Variants in CRMP1 observed in about 807,000 individuals in gnomAD.
The protein encoded by CRMP1 is collapsin response mediator protein 1, also known as dihydropyrimidinase-related protein 1.
A neutral mutation model predicts 68.3 loss-of-function variants in CRMP1; 19 were observed. That is an observed-to-expected ratio of 0.28 (90% CI 0.19 to 0.41). The LOEUF is 0.41. Ranked by LOEUF, CRMP1 falls within the 10% of genes least tolerant of loss-of-function variation. CRMP1 has a pLI of 1.00. For missense variants in CRMP1, 791 were observed against 967.4 expected (o/e 0.82, Z 2.42); for synonymous variants, 439 against 399.6 (o/e 1.10, Z -1.18).
Position 5,892,862 on chromosome 4 carries a change from G to A in CRMP1, c.108C>T (p.Phe36=). The A allele has an allele frequency of 7.1e-7, 1 of 1,416,788 alleles. No individual in the cohort carries two copies. The highest frequency in any genetic ancestry group is 9.3e-7 in the Non-Finnish European group (1 of 1,074,538). The allele number at this position is 1,416,788 out of a possible 1,614,324, so 87.8% of individuals were successfully genotyped here. A position where few individuals can be genotyped will look rare whatever the true frequency, so the allele number is the denominator to read the frequency against. The change falls in exon 1 of 14, where the codon TTC becomes TTT. Residue 36 remains phenylalanine (F), a synonymous_variant. Transcript: ENST00000324989. This position sits in a 1 kb window ranked among gnomAD's most constrained non-coding sequence, Gnocchi z 8.6. ...QTPRQKYGGM[F]AAVEGAYENK... ...TCTCGTAGGCGCCCTCCACCGCGGC[G>A]AACATGCCGCCGTACTTCTGGCGCG...
intron 2 of CRMP1, among the ~76,000 whole-genome samples, chr4:5,864,305 T>A (rs1346899465): frequency 6.6e-6 from 1 of 152,118 alleles, no homozygotes; most frequent in Non-Finnish European, 1.5e-5. Context: ...CATTTTACCT[T>A]TCAGGCTTCA....
In CRMP1 at chr4:5,842,678, T is replaced by TCA. The variant is rs199626986; in HGVS notation, c.1032+413_1032+414dup. 1.3e-5 allele frequency among the ~76,000 whole-genome samples: 2 copies of TCA among 150,066 alleles called. No homozygotes were observed. Among genetic ancestry groups the TCA allele is most frequent in the Non-Finnish European group, 3.0e-5 (2 of 67,246 alleles). On this transcript the variant is annotated intron_variant, in intron 7 of 13. Transcript: ENST00000324989. This position sits in a 1 kb window ranked among gnomAD's most constrained non-coding sequence, Gnocchi z 4.5. Reference sequence around the variant, plus strand: ...CACACACACACTAACATACACACACTCACACACACACATACACACACAGCC... The same window carrying TCA: ...CACACACACACTAACATACACACACTCACACACACACACATACACACACAGCC...
rs35389240 is a variant in CRMP1 at position 5,890,424 on chromosome 4, CG to C, written c.381+2164del. 1.1e-4 allele frequency among the ~76,000 whole-genome samples: 16 copies of C among 151,472 alleles called. No individual in the cohort carries two copies. Among genetic ancestry groups the C allele is most frequent in the South Asian group, 4.2e-4 (2 of 4,784 alleles). The stretch of plus-strand genomic sequence containing the variant: ...GCAGCCCAGGGAGAAGCCTGGTGGG[CG>C]GGGGGGGAAGGGCCGGGGCACCCGT... On this transcript the variant is annotated intron_variant, in intron 1 of 13. Transcript: ENST00000324989. The surrounding 1 kb of genome is among the most constrained non-coding windows in gnomAD (Gnocchi z 5.5).
At position 5,861,257 on chromosome 4, in the gene CRMP1, G is replaced by A. The variant is rs760287198; in HGVS notation, c.471-47C>T. On this transcript the variant is annotated intron_variant, in intron 2 of 13. Coordinates refer to ENST00000324989, the MANE Select transcript of CRMP1 (RefSeq NM_001014809.3). This position sits in a 1 kb window ranked among gnomAD's most constrained non-coding sequence, Gnocchi z 6.0. ...AGCCTTGGTTCTTAAAGGAAAAGTA[G>A]AATGGGCAGTCAACCCGCAGCTTCA... The A allele has an allele frequency of 1.9e-6, 3 of 1,575,730 alleles. No individual in the cohort carries two copies. The Admixed American group carries it at 5.1e-5, about 27-fold the overall frequency.
Position 5,860,502 on chromosome 4 carries a change from C to T in CRMP1, c.655+524G>A, listed in dbSNP as rs1489262119. Among the ~76,000 whole-genome samples the T allele has an allele frequency of 6.6e-6, 1 of 152,202 alleles. No individual in the cohort carries two copies. Among genetic ancestry groups the T allele is most frequent in the East Asian group, 1.9e-4 (1 of 5,190 alleles). On this transcript the variant is annotated intron_variant, in intron 3 of 13. Coordinates refer to ENST00000324989, the MANE Select transcript of CRMP1 (RefSeq NM_001014809.3). This position sits in a 1 kb window ranked among gnomAD's most constrained non-coding sequence, Gnocchi z 4.2. ...TATTACTGCAGCAATACTAATACAA[C>T]CACTTCCCAGCTGTGTCTCCTTGGG... is the stretch of plus-strand genomic sequence containing the variant.
rs1320248038 is a variant in CRMP1 at position 5,858,988 on chromosome 4, T to C, written c.655+2038A>G. Among the ~76,000 whole-genome samples the C allele has an allele frequency of 6.6e-6, 1 of 152,232 alleles. No individual in the cohort carries two copies. The highest frequency in any genetic ancestry group is 2.1e-4 in the South Asian group (1 of 4,832). On this transcript the variant is annotated intron_variant, in intron 3 of 13. Transcript: ENST00000324989. The surrounding 1 kb of genome is among the most constrained non-coding windows in gnomAD (Gnocchi z 5.5). ...CTCATCCTTCAGATCCCTGTACGAA[T>C]GTCACTTCTTCAGAGAACACTTCCC...
In CRMP1 at chr4:5,879,534, C is replaced by T. The variant is rs1715087286; in HGVS notation, c.382-12778G>A. On this transcript the variant is annotated intron_variant, in intron 1 of 13. Coordinates refer to ENST00000324989, the MANE Select transcript of CRMP1 (RefSeq NM_001014809.3). This position sits in a 1 kb window ranked among gnomAD's most constrained non-coding sequence, Gnocchi z 4.2. Reference sequence around the variant, plus strand: ...GGTGATCTTTGGCAAGATACTTAATCTCTGTTGGCTTCAGTTTCCTCATCT... The same window carrying T: ...GGTGATCTTTGGCAAGATACTTAATTTCTGTTGGCTTCAGTTTCCTCATCT... 6.6e-6 allele frequency among the ~76,000 whole-genome samples: 1 copy of T among 152,226 alleles called. No individual in the cohort carries two copies. Among genetic ancestry groups the T allele is most frequent in the Non-Finnish European group, 1.5e-5 (1 of 68,044 alleles).
intron 12 of CRMP1, among the ~76,000 whole-genome samples, chr4:5,827,593 TCAC>T (rs1291280053): frequency 4.0e-5 from 6 of 151,858 alleles, no homozygotes; most frequent in Admixed American, 6.6e-5. Flanking sequence ...CACACAGAGC[TCAC>T]CACATGCTCG....
Position 5,861,733 on chromosome 4 carries a change from G to A in CRMP1, c.471-523C>T, listed in dbSNP as rs1438841905. 6.6e-6 allele frequency among the ~76,000 whole-genome samples: 1 copy of A among 152,136 alleles called. No homozygotes were observed. The highest frequency in any genetic ancestry group is 2.4e-5 in the African/African-American group (1 of 41,416). On this transcript the variant is annotated intron_variant, in intron 2 of 13. Transcript: ENST00000324989. The surrounding 1 kb of genome is among the most constrained non-coding windows in gnomAD (Gnocchi z 6.0). Reference sequence around the variant, plus strand: ...TTATTTGCTGGCACCAGAGTCAGGAGGTCCCTCAAGGCGCTGGGGGAAGAG... The same window carrying A: ...TTATTTGCTGGCACCAGAGTCAGGAAGTCCCTCAAGGCGCTGGGGGAAGAG...
chr4:5,845,438 C>T (rs562202763), intron 6 of CRMP1, among the ~76,000 whole-genome samples: 8 of 152,232 alleles, frequency 5.3e-5, no homozygotes, highest in Non-Finnish European at 1.0e-4. Flanking sequence ...CAGCAGCCAG[C>T]AAAGAACAGA....
rs113300814 is a variant in CRMP1, at chr4:5,850,760, G to A, written c.882+648C>T. 7.1e-3 allele frequency among the ~76,000 whole-genome samples: 1,076 copies of A among 152,252 alleles called. 16 individuals carry two copies. Among genetic ancestry groups the A allele is most frequent in the African/African-American group, 0.024 (1,006 of 41,544 alleles). On this transcript the variant is annotated intron_variant, in intron 5 of 13. Coordinates refer to ENST00000324989, the MANE Select transcript of CRMP1 (RefSeq NM_001014809.3). This position sits in a 1 kb window ranked among gnomAD's most constrained non-coding sequence, Gnocchi z 4.4. ...ATTTTCTCCACCACACTAACAAGCA[G>A]AGCAAGGGAAACTGACAATGAAACA...
At chr4:5,827,302 C>G (rs1249188534) in intron 12 of CRMP1, among the ~76,000 whole-genome samples, 1 of 152,194 alleles carries the variant, frequency 6.6e-6, no homozygotes, top group Non-Finnish European at 1.5e-5. Context: ...GTCCCCTTGT[C>G]CTCATATGGC....
rs1375789447 is a variant in CRMP1 at position 5,861,239 on chromosome 4, G to A, written c.471-29C>T. On this transcript the variant is annotated intron_variant, in intron 2 of 13. Coordinates refer to ENST00000324989, the MANE Select transcript of CRMP1 (RefSeq NM_001014809.3). This position sits in a 1 kb window ranked among gnomAD's most constrained non-coding sequence, Gnocchi z 6.0. ...GAGGCAAACAACAGAGACAGCCTTG[G>A]TTCTTAAAGGAAAAGTAGAATGGGC... 1.9e-6 allele frequency: 3 copies of A among 1,601,448 alleles called. No homozygotes were observed. Among genetic ancestry groups the A allele is most frequent in the African/African-American group, 2.7e-5 (2 of 74,598 alleles).
chr4:5,836,141 G>A, intron 10 of CRMP1, 56 bp from the exon 11 acceptor site: 1 of 1,362,462 alleles, frequency 7.3e-7, no homozygotes, highest in Non-Finnish European at 9.6e-7. Flanking sequence ...CAGGAGGAGG[G>A]GCAGCTGGGC....
Position 5,825,957 on chromosome 4 carries a change from T to C in CRMP1, c.1804-298A>G. ...ATGCAGTCATGCACACATATATGCA[T>C]GCACATGCAGTAACAAAACAGGCCT... is the stretch of plus-strand genomic sequence containing the variant. On this transcript the variant is annotated intron_variant, in intron 12 of 13. Coordinates refer to ENST00000324989, the MANE Select transcript of CRMP1 (RefSeq NM_001014809.3). This position sits in a 1 kb window ranked among gnomAD's most constrained non-coding sequence, Gnocchi z 4.4. The C allele has an allele frequency of 2.3e-6, 1 of 440,550 alleles. No individual in the cohort carries two copies. 27.3% of individuals were successfully genotyped at this position (440,550 alleles called of 1,614,324 possible).
intron 13 of CRMP1, among the ~76,000 whole-genome samples, chr4:5,822,451 C>T (rs951804916): frequency 6.6e-6 from 1 of 150,462 alleles, no homozygotes; most frequent in African/African-American, 2.4e-5. Context: ...GTGAACTCCG[C>T]AAGCTGGATT....
Position 5,866,730 on chromosome 4 carries a change from T to C in CRMP1, c.408A>G (p.Gly136=). Residue 136 remains glycine (G), a synonymous_variant, in exon 2 of 14, where the codon GGA becomes GGG. Coordinates refer to ENST00000324989, the MANE Select transcript of CRMP1 (RefSeq NM_001014809.3). This position sits in a 1 kb window ranked among gnomAD's most constrained non-coding sequence, Gnocchi z 5.9. ...GQSDRLLIKG[G]RIINDDQSLY... ...GGGATTGGTCATCGTTGATGATCCG[T>C]CCACCTTTGATGAGGAGTCGGTCAC... 3 of 1,612,734 alleles carry C rather than the reference T, an allele frequency of 1.9e-6. No homozygotes were observed. Among genetic ancestry groups the C allele is most frequent in the Non-Finnish European group, 2.5e-6 (3 of 1,179,618 alleles).
chr4:5,821,832 G>C lies in CRMP1; in HGVS notation c.1989C>G (p.Asn663Lys), dbSNP rs777646783. Reference protein sequence around the residue: ...FSLSGAQIDDNNPRRTGHRIV... With the variant: ...FSLSGAQIDDKNPRRTGHRIV... ...TGCGGTGGCCGGTGCGCCTGGGATT[G>C]TTGTCATCTATCTGGGCACCTGAAA... Residue 663 changes from asparagine to lysine, a missense_variant, in exon 14 of 14, where the codon AAC becomes AAG. Physicochemically the swap from Asn to Lys is moderately conservative, Grantham distance 94 (BLOSUM62 0). Coordinates refer to ENST00000324989, the MANE Select transcript of CRMP1 (RefSeq NM_001014809.3). This position sits in a 1 kb window ranked among gnomAD's most constrained non-coding sequence, Gnocchi z 4.4. 3 of 1,608,834 alleles carry C rather than the reference G, an allele frequency of 1.9e-6. No individual in the cohort carries two copies. The highest frequency in any genetic ancestry group is 2.5e-6 in the Non-Finnish European group (3 of 1,178,538).
chr4:5,836,699 T>G (rs1258734010), intron 10 of CRMP1, 66 bp downstream of exon 10: 1 of 1,611,506 alleles, frequency 6.2e-7, no homozygotes. Flanking sequence ...GCGTGCATAA[T>G]GCATCGGCTT....
Sources: gnomAD v4.1 joint callset for allele counts (sites outside exome capture counted in the v4.1 genomes callset) on GRCh38, gnomAD v4.1.1 for gene constraint, Gnocchi (gnomAD v3.1) non-coding constraint, MANE v1.5 for transcripts, NCBI Gene and HGNC (gene_info 2026-07-23, HGNC 2026-07-21) for gene names.